Variants in ZNF730 observed in about 807,000 individuals in gnomAD.
ZNF730 encodes putative zinc finger protein 730.
ZNF730 carries 12 observed loss-of-function variants against 12.6 expected under a neutral mutation model. The observed-to-expected ratio is 0.95, with a 90% CI of 0.61 to 1.54. ZNF730 has a LOEUF of 1.54. ZNF730 is among the 40% of genes most tolerant of loss of function. The pLI is 0.00. For missense variants in ZNF730, 643 were observed against 583.5 expected, an observed-to-expected ratio of 1.10 and a Z score of -1.05; for synonymous variants, 194 against 195.8, an observed-to-expected ratio of 0.99 and a Z score of 0.08.
chr19:23,108,239 A>G (rs1970417716), intron 1 of ZNF730, among the ~76,000 whole-genome samples: 1 of 151,972 alleles, frequency 6.6e-6, no homozygotes, highest in Admixed American at 6.6e-5. Flanking sequence ...ACAGATTAAA[A>G]TCACACTGTT....
upstream of ZNF730, among the ~76,000 whole-genome samples, chr19:23,112,972 G>A (rs1428352697): frequency 6.6e-6 from 1 of 152,096 alleles, no homozygotes. Flanking sequence ...GGTTAGAAAT[G>A]TATCCCCTAT....
chr19:23,118,803 T>C (rs1288003295), intron 1 of ZNF730, among the ~76,000 whole-genome samples: 1 of 152,184 alleles, frequency 6.6e-6, no homozygotes, highest in Non-Finnish European at 1.5e-5. Flanking sequence ...TTTTACCTAT[T>C]CTTTTATTTG....
chr19:23,122,589 C>T (rs959003696), intron 1 of ZNF730, among the ~76,000 whole-genome samples: 3 of 152,150 alleles, frequency 2.0e-5, no homozygotes, highest in Non-Finnish European at 4.4e-5. Flanking sequence ...CTCATATTTG[C>T]AGGCTAAAGT....
At chr19:23,101,249 A>G (rs1410636135) in intron 1 of ZNF730, among the ~76,000 whole-genome samples, 5 of 84,574 alleles carry the variant, frequency 5.9e-5, no homozygotes, top group Non-Finnish European at 1.0e-4. Flanking sequence ...AATGTCAGAC[A>G]CAGAGACTGT....
rs867814272 is a variant in ZNF730 at position 23,147,063 on chromosome 19, A to G, written c.*507A>G. 61 of 255,344 alleles carry G rather than the reference A, an allele frequency of 2.4e-4. No individual in the cohort carries two copies. The highest frequency in any genetic ancestry group is 1.7e-3 in the South Asian group (32 of 18,508). 15.8% of individuals were successfully genotyped at this position (255,344 alleles called of 1,614,324 possible). On this transcript the variant is annotated 3_prime_UTR_variant, in exon 4 of 4. Coordinates refer to ENST00000597761, the MANE Select transcript of ZNF730 (RefSeq NM_001277403.2). ...GAGAAAACTTCTACAAGTGTAAACA[A>G]AGTGGCAAAACTTTTAACCAATGCT...
intron 1 of ZNF730, among the ~76,000 whole-genome samples, chr19:23,103,944 A>T (rs1970363093): frequency 6.6e-6 from 1 of 152,140 alleles, no homozygotes; most frequent in Non-Finnish European, 1.5e-5. Flanking sequence ...AAACTATAGA[A>T]CTTTCACAGG....
chr19:23,106,384 A>G (rs1204925192), intron 1 of ZNF730, among the ~76,000 whole-genome samples: 8 of 152,198 alleles, frequency 5.3e-5, no homozygotes. Flanking sequence ...TTTCCTCTGC[A>G]AAACAACACA....
chr19:23,104,993 G>A (rs1015166007), intron 1 of ZNF730, among the ~76,000 whole-genome samples: 3 of 152,104 alleles, frequency 2.0e-5, no homozygotes, highest in Non-Finnish European at 4.4e-5. Flanking sequence ...GATTTCCATC[G>A]AAGCCAATCT....
intron 1 of ZNF730, among the ~76,000 whole-genome samples, chr19:23,102,477 CTT>C (rs372653762): frequency 6.9e-6 from 1 of 144,112 alleles, no homozygotes; most frequent in East Asian, 2.0e-4. Context: ...GATGTTGATC[CTT>C]TTTTTTTTTT....
chr19:23,137,768 A>G (rs1401974349), intron 3 of ZNF730, among the ~76,000 whole-genome samples: 2 of 152,166 alleles, frequency 1.3e-5, no homozygotes, highest in Non-Finnish European at 2.9e-5. Context: ...CTCTGGGCTT[A>G]TAGTGGAGAG....
At chr19:23,109,929 G>C (rs1970441789) in intron 1 of ZNF730, among the ~76,000 whole-genome samples, 1 of 152,028 alleles carries the variant, frequency 6.6e-6, no homozygotes, top group African/African-American at 2.4e-5. Context: ...ATTATTGTAG[G>C]CTGAAGACAT....
Position 23,119,013 on chromosome 19 carries a change from C to G in ZNF730, c.3+1837C>G, listed in dbSNP as rs1010991185. ...CAAACAGAGATTGTTTTAATTTCCTCTCTTCCTGTTTGGATGTGTTTTATT... is the reference window on the plus strand; with the variant it reads ...CAAACAGAGATTGTTTTAATTTCCTGTCTTCCTGTTTGGATGTGTTTTATT... On this transcript the variant is annotated intron_variant, in intron 1 of 3. Transcript: ENST00000597761. 5.1e-4 allele frequency among the ~76,000 whole-genome samples: 77 copies of G among 152,184 alleles called. 5 individuals carry two copies. The highest frequency in any genetic ancestry group is 4.4e-5 in the Non-Finnish European group (3 of 68,040).
intron 1 of ZNF730, among the ~76,000 whole-genome samples, chr19:23,093,662 G>C (rs1374273029): frequency 6.6e-6 from 1 of 152,124 alleles, no homozygotes; most frequent in Non-Finnish European, 1.5e-5. Context: ...TCCCAGGTAA[G>C]GCCCTGAGGG....
Position 23,145,929 on chromosome 19 carries a change from G to C in ZNF730, c.885G>C (p.Gln295His), listed in dbSNP as rs766294998. 2.5e-6 allele frequency: 4 copies of C among 1,606,142 alleles called. No individual in the cohort carries two copies. Among genetic ancestry groups the C allele is most frequent in the Non-Finnish European group, 3.4e-6 (4 of 1,178,030 alleles). ...AAGAATGTGGCAAAGCCTTTAACCA[G>C]TCCTCAAACCTTACTGAACATAAGA... Reference protein sequence around the residue: ...KCEECGKAFNQSSNLTEHKKI... With the variant: ...KCEECGKAFNHSSNLTEHKKI... The change falls in exon 4 of 4, where the codon CAG (glutamine) becomes CAC (histidine). Residue 295 changes from glutamine (Q) to histidine (H), a missense_variant. Physicochemically the swap from Gln to His is conservative, Grantham distance 24 (BLOSUM62 0). Transcript: ENST00000597761.
chr19:23,091,122 G>A lies in ZNF730; in HGVS notation c.-94+15735G>A, dbSNP rs575491436. Among the ~76,000 whole-genome samples, 4 of 152,330 alleles carry A rather than the reference G, an allele frequency of 2.6e-5. No homozygotes were observed. In the East Asian group the frequency reaches 7.7e-4, roughly 29 times the overall value. Reference sequence around the variant, plus strand: ...AGCTACTCTAGCCATGGCTGAAAGGGGCCAATGTACAGCTTTGGCTGTGGC... The same window carrying A: ...AGCTACTCTAGCCATGGCTGAAAGGAGCCAATGTACAGCTTTGGCTGTGGC... On this transcript the variant is annotated intron_variant, in intron 1 of 2. Transcript: ENST00000593635.
intron 1 of ZNF730, chr19:23,127,651 G>T: frequency 8.6e-7 from 1 of 1,156,664 alleles, no homozygotes; most frequent in South Asian, 1.2e-5. Context: ...TGTGAATGGT[G>T]AATTTTACTT....
intron 1 of ZNF730, among the ~76,000 whole-genome samples, chr19:23,083,567 C>T (rs1371877663): frequency 6.6e-6 from 1 of 151,604 alleles, no homozygotes; most frequent in Non-Finnish European, 1.5e-5. Flanking sequence ...GTATGTGTTT[C>T]CTCTTTATTA....
intron 3 of ZNF730, among the ~76,000 whole-genome samples, chr19:23,140,673 G>T (rs114686989): frequency 0.04 from 5,960 of 149,316 alleles, 131 homozygotes; most frequent in East Asian, 0.11. Context: ...ACTATTTAAG[G>T]CCGGGCGTGG....
upstream of ZNF730, among the ~76,000 whole-genome samples, chr19:23,113,304 C>T (rs1450286585): frequency 1.2e-4 from 18 of 152,162 alleles, no homozygotes; most frequent in Admixed American, 1.0e-3. Context: ...GTATTATCCT[C>T]CTGGTAGTCA....
Sources: gnomAD v4.1 joint callset for allele counts (sites outside exome capture counted in the v4.1 genomes callset) on GRCh38, gnomAD v4.1.1 for gene constraint, MANE v1.5 for transcripts, NCBI Gene and HGNC (gene_info 2026-07-23, HGNC 2026-07-21) for gene names.